Variants in FGF14 observed in about 807,000 individuals in gnomAD.
FGF14 encodes fibroblast growth factor homologous factor 4.
A neutral mutation model predicts 25.5 loss-of-function variants in FGF14; 5 were observed. The observed-to-expected ratio is 0.20, with a 90% CI of 0.10 to 0.41. The LOEUF is 0.41. Ranked by LOEUF, FGF14 falls within the 10% of genes least tolerant of loss-of-function variation. The pLI, the probability that FGF14 is intolerant of heterozygous loss-of-function variation, is 1.00. For synonymous variants in FGF14, 138 were observed against 118.3 expected, an observed-to-expected ratio of 1.17 and a Z score of -1.08; for missense variants, 222 against 320.1, an observed-to-expected ratio of 0.69 and a Z score of 2.34.
intron 1 of FGF14, among the ~76,000 whole-genome samples, chr13:102,254,420 A>T (rs1044560010): frequency 3.7e-4 from 56 of 152,242 alleles, no homozygotes; most frequent in Non-Finnish European, 1.6e-4. Flanking sequence ...AGATCCTCAT[A>T]GTTGGGTTTA....
chr13:102,337,688 TTTA>T (rs1197258473), intron 1 of FGF14, among the ~76,000 whole-genome samples: 1 of 152,036 alleles, frequency 6.6e-6, no homozygotes, highest in Non-Finnish European at 1.5e-5. Context: ...TGAAGCAAAC[TTTA>T]TTGTTGTCTT....
chr13:101,790,938 G>T (rs1179551144), intron 3 of FGF14, among the ~76,000 whole-genome samples: 1 of 152,184 alleles, frequency 6.6e-6, no homozygotes, highest in Admixed American at 6.6e-5. Context: ...TTGTGCCAAA[G>T]ATATAGGTGC....
chr13:102,166,192 AG>A (rs1463591347), intron 1 of FGF14, among the ~76,000 whole-genome samples: 3 of 147,718 alleles, frequency 2.0e-5, no homozygotes, highest in Non-Finnish European at 2.9e-5. Flanking sequence ...AAAAAAAAAA[AG>A]AAAAGAAAAA....
intron 1 of FGF14, among the ~76,000 whole-genome samples, chr13:102,351,123 T>G (rs1229611838): frequency 6.6e-6 from 1 of 152,168 alleles, no homozygotes; most frequent in Non-Finnish European, 1.5e-5. Flanking sequence ...CTCTTCTAAC[T>G]CTTGCCTCAG....
intron 1 of FGF14, among the ~76,000 whole-genome samples, chr13:102,305,821 GC>G (rs1176470873): frequency 2.0e-5 from 3 of 152,238 alleles, no homozygotes; most frequent in South Asian, 4.1e-4. Context: ...ACTTATAGAT[GC>G]ACCTAAGGTT....
chr13:102,357,920 T>C (rs2057463120), intron 1 of FGF14, among the ~76,000 whole-genome samples: 1 of 152,134 alleles, frequency 6.6e-6, no homozygotes, highest in Non-Finnish European at 1.5e-5. Context: ...TACACAGGAA[T>C]TATACCAGCA....
intron 1 of FGF14, among the ~76,000 whole-genome samples, chr13:101,905,056 C>T (rs9585806): frequency 1.5e-3 from 236 of 152,322 alleles, no homozygotes; most frequent in African/African-American, 5.5e-3. Flanking sequence ...ATGGAACAGA[C>T]GTGTCTGAAC....
intron 1 of FGF14, among the ~76,000 whole-genome samples, chr13:102,229,621 C>A (rs181353192): frequency 6.6e-6 from 1 of 152,312 alleles, no homozygotes; most frequent in African/African-American, 2.4e-5. Flanking sequence ...CCTGGCTGTC[C>A]TCTTCCCTCT....
chr13:102,008,469 A>T (rs968878019), intron 1 of FGF14, among the ~76,000 whole-genome samples: 1 of 152,176 alleles, frequency 6.6e-6, no homozygotes, highest in African/African-American at 2.4e-5. Context: ...TCTTCCCATT[A>T]AACTGTGATA....
intron 1 of FGF14, among the ~76,000 whole-genome samples, chr13:102,096,002 T>TGTGTATAC (rs34489736): frequency 3.7e-5 from 1 of 26,720 alleles, no homozygotes; most frequent in Non-Finnish European, 2.3e-4. Flanking sequence ...TGTGTGTGTG[T>TGTGTATAC]ATATATATAT....
intron 1 of FGF14, among the ~76,000 whole-genome samples, chr13:102,357,599 A>G (rs2057455077): frequency 6.6e-6 from 1 of 152,208 alleles, no homozygotes; most frequent in Admixed American, 6.5e-5. Context: ...GAGCAAATTA[A>G]ATAATTTCTC....
At chr13:102,375,942 A>G (rs935750108) in intron 1 of FGF14, among the ~76,000 whole-genome samples, 8 of 152,306 alleles carry the variant, frequency 5.3e-5, no homozygotes, top group South Asian at 2.1e-4. Flanking sequence ...AAAACTGTTA[A>G]TTTTGAAGCT....
chr13:101,797,202 T>C (rs1192622843), intron 3 of FGF14, among the ~76,000 whole-genome samples: 1 of 152,176 alleles, frequency 6.6e-6, no homozygotes, highest in Non-Finnish European at 1.5e-5. Context: ...ACATATTCTA[T>C]GCTACATCAC....
At chr13:101,846,362 T>C (rs1023149073) in intron 3 of FGF14, among the ~76,000 whole-genome samples, 3 of 151,932 alleles carry the variant, frequency 2.0e-5, no homozygotes, top group Non-Finnish European at 4.4e-5. Flanking sequence ...GAAAAATTTG[T>C]GAATTACTTG....
intron 3 of FGF14, among the ~76,000 whole-genome samples, chr13:101,781,356 T>C (rs2039481804): frequency 6.6e-6 from 1 of 152,236 alleles, no homozygotes; most frequent in Non-Finnish European, 1.5e-5. Context: ...AGACTGGATG[T>C]TGTCTTTTTT....
At chr13:101,909,036 A>G (rs1437864666) in intron 1 of FGF14, among the ~76,000 whole-genome samples, 12 of 152,232 alleles carry the variant, frequency 7.9e-5, no homozygotes, top group African/African-American at 9.6e-5. Flanking sequence ...CTGGCTAGCC[A>G]TAAGTAGAAA....
chr13:102,236,943 C>T (rs2051355831), intron 1 of FGF14, among the ~76,000 whole-genome samples: 1 of 152,036 alleles, frequency 6.6e-6, no homozygotes, highest in Non-Finnish European at 1.5e-5. Flanking sequence ...TGGAAAGGCG[C>T]TGGAGTGCTG....
At chr13:101,778,960 G>A (rs1020122671) in intron 3 of FGF14, 4 of 151,992 alleles carry the variant, frequency 2.6e-5, no homozygotes, top group Non-Finnish European at 2.9e-5. Context: ...GGGAAATCAC[G>A]GAAATCAGCA....
Position 102,152,609 on chromosome 13 carries a change from C to T in FGF14, c.208+248862G>A, listed in dbSNP as rs138863780. ...CTTCAACCTATGAATTTTAGGGGGA[C>T]GCAATTCATCCCACAATACTGGTGT... On this transcript the variant is annotated intron_variant, in intron 1 of 4. Transcript: ENST00000376131. 1.4e-4 allele frequency among the ~76,000 whole-genome samples: 21 copies of T among 152,262 alleles called. No homozygotes were observed. In the East Asian group the frequency reaches 3.1e-3, roughly 22 times the overall value.
Sources: allele counts gnomAD v4.1 joint callset (sites outside exome capture counted in the v4.1 genomes callset), GRCh38; gene constraint gnomAD v4.1.1; transcripts MANE v1.5; gene names NCBI Gene and HGNC (gene_info 2026-07-23, HGNC 2026-07-21).